Variants in NIBAN2 observed in about 807,000 individuals in gnomAD.
NIBAN2 encodes protein Niban 2.
NIBAN2 carries 36 observed loss-of-function variants against 81.8 expected under a neutral mutation model. That is an observed-to-expected ratio of 0.44 (90% CI 0.34 to 0.58). The LOEUF (loss-of-function observed/expected upper bound fraction) is 0.58. NIBAN2 is among the 20% of genes least tolerant of loss of function. The pLI, the probability that NIBAN2 is intolerant of heterozygous loss-of-function variation, is 0.02. For synonymous variants in NIBAN2, 445 were observed against 441.6 expected (o/e 1.01, Z -0.10); for missense variants, 897 against 1,014.1 (o/e 0.88, Z 1.57).
In NIBAN2 at chr9:127,559,670, C is replaced by T. The variant is rs765524325; in HGVS notation, c.55+9150G>A. On this transcript the variant is annotated intron_variant, in intron 1 of 13. Transcript: ENST00000373312. This position sits in a 1 kb window ranked among gnomAD's most constrained non-coding sequence, Gnocchi z 4.0. ...TGCAGTTGGCTTGGCCACAGATGGG[C>T]AGGTGGGAAAGTGGGGTCTGCACTT... is the stretch of plus-strand genomic sequence containing the variant. Among the ~76,000 whole-genome samples, 107 of 152,328 alleles carry T rather than the reference C, an allele frequency of 7.0e-4. No homozygotes were observed. Among genetic ancestry groups the T allele is most frequent in the Middle Eastern group, 6.8e-3 (2 of 294 alleles).
chr9:127,576,431 G>A (rs1018143917), intron 1 of NIBAN2, among the ~76,000 whole-genome samples: 2 of 152,140 alleles, frequency 1.3e-5, no homozygotes, highest in Non-Finnish European at 2.9e-5. Context: ...GGCCGCTGAA[G>A]TGCCAGCAGA....
intron 1 of NIBAN2, among the ~76,000 whole-genome samples, chr9:127,535,024 C>A (rs529798457): frequency 5.1e-4 from 76 of 149,596 alleles, no homozygotes; most frequent in African/African-American, 1.8e-3. Context: ...CTGTTGTTTT[C>A]CTATTTCAGG....
Position 127,508,247 on chromosome 9 carries a change from T to G in NIBAN2, c.1435-47A>C, listed in dbSNP as rs566147023. Reference sequence around the variant, plus strand: ...GGGGTCTGCAGGTCAGTGGGCTCCATTGGCCCTGAGGGTAGGACGAGGCCA... The same window carrying G: ...GGGGTCTGCAGGTCAGTGGGCTCCAGTGGCCCTGAGGGTAGGACGAGGCCA... On this transcript the variant is annotated intron_variant, in intron 11 of 13. Coordinates refer to ENST00000373312, the MANE Select transcript of NIBAN2 (RefSeq NM_022833.4). This position sits in a 1 kb window ranked among gnomAD's most constrained non-coding sequence, Gnocchi z 6.4. The G allele has an allele frequency of 2.7e-6, 4 of 1,509,046 alleles. No individual in the cohort carries two copies. In the African/African-American group the frequency reaches 5.5e-5, roughly 21 times the overall value. 93.5% of individuals were successfully genotyped at this position (1,509,046 alleles called of 1,614,324 possible).
intron 1 of NIBAN2, among the ~76,000 whole-genome samples, chr9:127,542,389 C>T (rs1238368620): frequency 6.6e-6 from 1 of 152,204 alleles, no homozygotes; most frequent in East Asian, 1.9e-4. Flanking sequence ...CTCCCACAGG[C>T]AGCACCCCTG....
intron 1 of NIBAN2, among the ~76,000 whole-genome samples, chr9:127,556,931 G>A (rs930961796): frequency 2.6e-5 from 4 of 152,156 alleles, no homozygotes; most frequent in African/African-American, 9.7e-5. Context: ...AAATAAATTA[G>A]CCCCATGTGG....
intron 2 of NIBAN2, among the ~76,000 whole-genome samples, chr9:127,529,473 T>C (rs1837138895): frequency 6.6e-6 from 1 of 152,186 alleles, no homozygotes; most frequent in Non-Finnish European, 1.5e-5. Flanking sequence ...ACCCTGTCTC[T>C]ACTAAAAATA....
Position 127,507,126 on chromosome 9 carries a change from G to A in NIBAN2, c.1960C>T (p.Arg654Ter), listed in dbSNP as rs149367067. The change falls in exon 14 of 14, where the codon CGA becomes TGA. Residue 654 changes from arginine (R) to a stop codon, truncating the protein, a stop_gained. Coordinates refer to ENST00000373312, the MANE Select transcript of NIBAN2 (RefSeq NM_022833.4). LOFTEE classifies it high-confidence loss of function. This position sits in a 1 kb window ranked among gnomAD's most constrained non-coding sequence, Gnocchi z 6.8. Reference sequence around the variant, plus strand: ...CGCAGACCTTGGGCCAGCAGGCCTCGGATCTCAGTGACACCGTCCGGGGAC... The same window carrying A: ...CGCAGACCTTGGGCCAGCAGGCCTCAGATCTCAGTGACACCGTCCGGGGAC... ...PASPDGVTEI[R>*]GLLAQGLRPE... 30 of 1,596,082 alleles carry A rather than the reference G, an allele frequency of 1.9e-5. No individual in the cohort carries two copies. The highest frequency in any genetic ancestry group is 1.1e-4 in the East Asian group (5 of 44,174).
chr9:127,530,067 T>C (rs1008611475), intron 2 of NIBAN2, among the ~76,000 whole-genome samples: 18 of 152,214 alleles, frequency 1.2e-4, no homozygotes, highest in African/African-American at 4.1e-4. Flanking sequence ...GACATTTCTT[T>C]CCAGACAGGG....
intron 1 of NIBAN2, among the ~76,000 whole-genome samples, chr9:127,578,229 G>A (rs1044094171): frequency 1.1e-4 from 16 of 150,726 alleles, no homozygotes; most frequent in African/African-American, 3.7e-4. Flanking sequence ...GTAGTGGCCT[G>A]TGCCTGAAAT....
At position 127,508,226 on chromosome 9, in the gene NIBAN2, T is replaced by A. The variant is rs765893028; in HGVS notation, c.1435-26A>T. 2.5e-6 allele frequency: 4 copies of A among 1,584,036 alleles called. No homozygotes were observed. The Admixed American group carries it at 6.7e-5, about 27-fold the overall frequency. ...CTGCAGGGAACAAGGGGGTCGGGGGTCTGCAGGTCAGTGGGCTCCATTGGC... is the reference window on the plus strand; with the variant it reads ...CTGCAGGGAACAAGGGGGTCGGGGGACTGCAGGTCAGTGGGCTCCATTGGC... On this transcript the variant is annotated intron_variant, in intron 11 of 13. Transcript: ENST00000373312. This position sits in a 1 kb window ranked among gnomAD's most constrained non-coding sequence, Gnocchi z 6.4.
chr9:127,532,560 T>C (rs1481354029), intron 1 of NIBAN2, among the ~76,000 whole-genome samples: 1 of 151,932 alleles, frequency 6.6e-6, no homozygotes, highest in Non-Finnish European at 1.5e-5. Context: ...TGAGTCGAGA[T>C]TGCACCACTG....
At chr9:127,571,709 C>CA (rs556543079), upstream of NIBAN2, among the ~76,000 whole-genome samples, 4,074 of 69,910 alleles carry the variant, frequency 0.058, 72 homozygotes, top group Middle Eastern at 0.11. Flanking sequence ...AAAACAAAAC[C>CA]AAAGAAAAAA....
In NIBAN2 at chr9:127,510,300, C is replaced by T. The variant is rs374128661; in HGVS notation, c.1007G>A (p.Arg336Gln). Residue 336 changes from arginine to glutamine, a missense_variant, in exon 9 of 14, where the codon CGG becomes CAG. Around this residue, in one of 3 missense-constraint regions of NIBAN2, gnomAD observed 619 missense variants for 691.0 expected, o/e 0.90. Transcript: ENST00000373312. The stretch of plus-strand genomic sequence containing the variant: ...TGGGATGTAGGGCTGGACATGGTTC[C>T]GCACGCACACCTCTGCCTTGGGGAG... ...FILPKAEVCV[R>Q]NHVQPYIPSI... 4.0e-5 allele frequency: 65 copies of T among 1,613,470 alleles called. No homozygotes were observed. The highest frequency in any genetic ancestry group is 5.3e-5 in the Non-Finnish European group (63 of 1,179,598).
At chr9:127,539,100 A>G (rs969353843) in intron 1 of NIBAN2, among the ~76,000 whole-genome samples, 1 of 152,154 alleles carries the variant, frequency 6.6e-6, no homozygotes, top group Admixed American at 6.5e-5. Context: ...GGAATGATAG[A>G]TATGTGGAAA....
chr9:127,554,773 T>C (rs1205488246), intron 1 of NIBAN2, among the ~76,000 whole-genome samples: 1 of 151,860 alleles, frequency 6.6e-6, no homozygotes, highest in Non-Finnish European at 1.5e-5. Context: ...TTCACCATGT[T>C]GGCCAGGCTG....
In NIBAN2 at chr9:127,509,113, G is replaced by A. The variant is rs375242377; in HGVS notation, c.1180C>T (p.Arg394Trp). The part of the protein sequence containing the change: ...KLGEYMEKLS[R>W]LAYHPLKMQS... Reference sequence around the variant, plus strand: ...ATCTTCAGGGGGTGGTACGCCAGCCGGGACAGCTTCTCCATGTACTGCAGG... The same window carrying A: ...ATCTTCAGGGGGTGGTACGCCAGCCAGGACAGCTTCTCCATGTACTGCAGG... The change falls in exon 10 of 14, where the codon CGG (arginine) becomes TGG (tryptophan). Residue 394 changes from arginine (R) to tryptophan (W), a missense_variant. Transcript: ENST00000373312. The A allele has an allele frequency of 2.3e-5, 37 of 1,611,832 alleles. No homozygotes were observed. Among genetic ancestry groups the A allele is most frequent in the African/African-American group, 5.3e-5 (4 of 74,894 alleles).
chr9:127,540,008 T>C (rs752263860), intron 1 of NIBAN2, among the ~76,000 whole-genome samples: 1 of 152,196 alleles, frequency 6.6e-6, no homozygotes, highest in Non-Finnish European at 1.5e-5. Flanking sequence ...CCCTTTACCC[T>C]GGCAAGAAGG....
At chr9:127,525,187 C>G (rs1375084700) in intron 3 of NIBAN2, 24 bp from the exon 4 acceptor site, 1 of 1,595,320 alleles carries the variant, frequency 6.3e-7, no homozygotes, top group South Asian at 1.1e-5. Context: ...GAGAGAGGGT[C>G]CCTGAGGGTT....
At chr9:127,544,423 G>A (rs1226948926) in intron 1 of NIBAN2, among the ~76,000 whole-genome samples, 2 of 152,146 alleles carry the variant, frequency 1.3e-5, no homozygotes, top group East Asian at 3.9e-4. Flanking sequence ...GGCTTTTGTT[G>A]CTAACACCAG....
Sources: gnomAD v4.1 joint callset for allele counts (sites outside exome capture counted in the v4.1 genomes callset) on GRCh38, gnomAD v4.1.1 for gene constraint, gnomAD v4.1.1 regional missense constraint, Gnocchi (gnomAD v3.1) non-coding constraint, MANE v1.5 for transcripts, NCBI Gene and HGNC (gene_info 2026-07-23, HGNC 2026-07-21) for gene names.